Variants in TRIM37 observed in about 807,000 individuals in gnomAD.
TRIM37 encodes the protein E3 ubiquitin-protein ligase TRIM37.
TRIM37 carries 80 observed loss-of-function variants against 129.8 expected under a neutral mutation model. The observed-to-expected ratio is 0.62, with a 90% CI of 0.51 to 0.74. TRIM37 has a LOEUF of 0.74. Among genes scored for constraint, TRIM37 ranks in the 30% least tolerant of loss-of-function variants. The pLI, the probability that TRIM37 is intolerant of heterozygous loss-of-function variation, is 0.00. For missense variants in TRIM37, 1,054 were observed against 1,176.5 expected, an observed-to-expected ratio of 0.90 and a Z score of 1.52; for synonymous variants, 389 against 387.1, an observed-to-expected ratio of 1.00 and a Z score of -0.06.
chr17:58,990,526 C>T (rs1248766683), intron 24 of TRIM37, among the ~76,000 whole-genome samples: 1 of 150,936 alleles, frequency 6.6e-6, no homozygotes, highest in East Asian at 2.0e-4. Flanking sequence ...GGCCCAGTGG[C>T]TCATGCCTGT....
intron 3 of TRIM37, 128 bp from the exon 4 acceptor site, chr17:59,088,535 A>G (rs534858620): frequency 2.6e-5 from 18 of 697,606 alleles, no homozygotes; most frequent in African/African-American, 2.3e-4. Flanking sequence ...TTTTTAAGAG[A>G]TGAGTCTCAC....
chr17:59,030,271 A>G (rs781187766), intron 18 of TRIM37, among the ~76,000 whole-genome samples: 5 of 152,112 alleles, frequency 3.3e-5, no homozygotes, highest in Non-Finnish European at 5.9e-5. Flanking sequence ...ATGGCCGGCT[A>G]ATTTTTTGTA....
At chr17:58,984,044 T>C (rs1307935268) in intron 24 of TRIM37, 4 of 152,632 alleles carry the variant, frequency 2.6e-5, no homozygotes, top group African/African-American at 9.7e-5. Flanking sequence ...ATTAATCCCA[T>C]TTAGGTCTGT....
At chr17:59,093,649 G>A (rs1356777765) in intron 2 of TRIM37, among the ~76,000 whole-genome samples, 1 of 152,188 alleles carries the variant, frequency 6.6e-6, no homozygotes, top group Admixed American at 6.5e-5. Flanking sequence ...CTGGGACTAT[G>A]ATAGGGAGTA....
At chr17:58,988,652 G>A (rs1362548733) in intron 24 of TRIM37, among the ~76,000 whole-genome samples, 1 of 152,108 alleles carries the variant, frequency 6.6e-6, no homozygotes, top group Non-Finnish European at 1.5e-5. Flanking sequence ...AAACAGCAGA[G>A]TATTTCCAGG....
chr17:59,054,474 G>A (rs1003018447), intron 13 of TRIM37, among the ~76,000 whole-genome samples: 1 of 151,808 alleles, frequency 6.6e-6, no homozygotes, highest in Non-Finnish European at 1.5e-5. Flanking sequence ...GCTAATTTTT[G>A]TATTTTTAGT....
chr17:59,088,501 C>T (rs538339583), intron 3 of TRIM37, 94 bp from the exon 4 acceptor site: 28 of 820,994 alleles, frequency 3.4e-5, no homozygotes, highest in Admixed American at 2.0e-4. Context: ...CACAATAATA[C>T]TCATACCATA....
chr17:59,057,037 T>C lies in TRIM37; in HGVS notation c.1037A>G (p.Glu346Gly), dbSNP rs772711368. ...ATCATTACAGGACTGGTGAACCATC[T>C]CTACACGATATTCATATCTAAAATT... ...PETSKYEYRV[E>G]MVHQSCNDPT... Residue 346 changes from glutamate (E) to glycine (G), a missense_variant, in exon 13 of 24, where the codon GAG becomes GGG. Transcript: ENST00000262294. The C allele has an allele frequency of 1.9e-6, 3 of 1,613,730 alleles. No homozygotes were observed. In the South Asian group the frequency reaches 3.3e-5, roughly 18 times the overall value.
chr17:59,014,857 A>G (rs1185526478), intron 21 of TRIM37, among the ~76,000 whole-genome samples: 2 of 151,652 alleles, frequency 1.3e-5, no homozygotes, highest in African/African-American at 4.8e-5. Context: ...CATCCCATTA[A>G]AAAAAGTACT....
intron 12 of TRIM37, chr17:59,059,577 T>C (rs7503316): frequency 0.67 from 101,494 of 152,250 alleles, 34,340 homozygotes; most frequent in African/African-American, 0.77. Context: ...GCAATCCTCC[T>C]GCCTTGGCCT....
At chr17:59,056,773 A>AT (rs1445738988) in intron 13 of TRIM37, 102 bp downstream of exon 13, 1 of 599,018 alleles carries the variant, frequency 1.7e-6, no homozygotes, top group Admixed American at 2.4e-5. Flanking sequence ...GTTAGTATGA[A>AT]TTTCAATATT....
At chr17:59,032,586 C>T (rs2038008123) in intron 17 of TRIM37, among the ~76,000 whole-genome samples, 1 of 148,838 alleles carries the variant, frequency 6.7e-6, no homozygotes, top group Non-Finnish European at 1.5e-5. Flanking sequence ...TACATTAGCA[C>T]AGTGATTGAG....
chr17:58,999,168 A>T lies in TRIM37; in HGVS notation c.*209T>A. On this transcript the variant is annotated 3_prime_UTR_variant, in exon 24 of 24. Coordinates refer to ENST00000262294, the MANE Select transcript of TRIM37 (RefSeq NM_015294.6). ...ATTGTTATTTCCTTACATTACAAAG[A>T]ACTCTTCCCATACTGTTTTTCCCAT... 14 of 1,404,740 alleles carry T rather than the reference A, an allele frequency of 1.0e-5. No homozygotes were observed. In the South Asian group the frequency reaches 1.8e-4, roughly 18 times the overall value. 87.0% of individuals were successfully genotyped at this position (1,404,740 alleles called of 1,614,324 possible). A position where few individuals can be genotyped will look rare whatever the true frequency, so the allele number is the denominator to read the frequency against.
chr17:59,017,195 A>C, intron 20 of TRIM37, 101 bp downstream of exon 20: 1 of 1,456,932 alleles, frequency 6.9e-7, no homozygotes, highest in Non-Finnish European at 9.6e-7. Flanking sequence ...CAACTTTAGC[A>C]TTTTTGGTGC....
chr17:59,073,676 T>C (rs1599365115), intron 8 of TRIM37, among the ~76,000 whole-genome samples: 1 of 152,232 alleles, frequency 6.6e-6, no homozygotes, highest in African/African-American at 2.4e-5. Context: ...CATAGCACAC[T>C]GAAGCCTTGA....
In TRIM37 at chr17:58,999,008, G is replaced by A. The variant is rs375182197; in HGVS notation, c.*369C>T. ...CTAAGCTCTAGCCAAAGACAGTAGA[G>A]CACCAATGCCGGGCGGGTTACTGAC... is the stretch of plus-strand genomic sequence containing the variant. On this transcript the variant is annotated 3_prime_UTR_variant, in exon 24 of 24. Transcript: ENST00000262294. The A allele has an allele frequency of 1.3e-4, 142 of 1,121,054 alleles. 1 individual carries two copies. The highest frequency in any genetic ancestry group is 2.3e-4 in the Admixed American group (5 of 21,322). The allele number at this position is 1,121,054 out of a possible 1,614,324, so 69.4% of individuals were successfully genotyped here.
At chr17:59,078,746 A>G (rs2043025344) in intron 7 of TRIM37, among the ~76,000 whole-genome samples, 1 of 152,198 alleles carries the variant, frequency 6.6e-6, no homozygotes, top group Non-Finnish European at 1.5e-5. Flanking sequence ...TGTGACCAGT[A>G]CAATCAATAC....
At chr17:59,031,852 G>A in intron 18 of TRIM37, 44 bp downstream of exon 18, 3 of 1,590,850 alleles carry the variant, frequency 1.9e-6, no homozygotes, top group African/African-American at 2.7e-5. Context: ...AGTTCTTTTA[G>A]AGAACCACAG....
At chr17:59,092,953 C>G (rs2147349339) in intron 2 of TRIM37, among the ~76,000 whole-genome samples, 1 of 152,164 alleles carries the variant, frequency 6.6e-6, no homozygotes, top group Non-Finnish European at 1.5e-5. Flanking sequence ...GAGTTCGAGA[C>G]CAGCCTGGCC....
Sources: allele counts gnomAD v4.1 joint callset (sites outside exome capture counted in the v4.1 genomes callset), GRCh38; gene constraint gnomAD v4.1.1; transcripts MANE v1.5; gene names NCBI Gene and HGNC (gene_info 2026-07-23, HGNC 2026-07-21).